Variants in ENPP2 observed in about 807,000 individuals in gnomAD.
ENPP2 encodes the protein autotaxin.
In ENPP2, 51 loss-of-function variants were observed where a neutral mutation model predicts 120.2. The observed-to-expected ratio is 0.42, with a 90% confidence interval of 0.34 to 0.54. ENPP2 has a LOEUF of 0.54. Ranked by LOEUF, ENPP2 falls within the 20% of genes least tolerant of loss-of-function variation. The probability of loss-of-function intolerance (pLI) is 0.04; values close to 1 mark genes in which losing one functional copy is unlikely to be tolerated. For missense variants in ENPP2, 920 were observed against 1,066.5 expected (o/e 0.86, Z 1.91); for synonymous variants, 365 against 366.4 (o/e 1.00, Z 0.04).
intron 13 of ENPP2, among the ~76,000 whole-genome samples, chr8:119,587,491 A>C (rs1486461257): frequency 6.6e-6 from 1 of 152,176 alleles, no homozygotes; most frequent in Non-Finnish European, 1.5e-5. Context: ...CAGATTTTTG[A>C]AACAAGTCTT....
rs1197853502 is a variant in ENPP2, at chr8:119,655,563, C to A, written c.22-17036G>T. On this transcript the variant is annotated intron_variant, in intron 1 of 25. Coordinates refer to the ENPP2 transcript ENST00000427067. ...TATGTAAATGAGAATGCATATAATCCCTTCCTCATAGGGTTGCTGTGGGAA... is the reference window on the plus strand; with the variant it reads ...TATGTAAATGAGAATGCATATAATCACTTCCTCATAGGGTTGCTGTGGGAA... Among the ~76,000 whole-genome samples the A allele has an allele frequency of 2.0e-5, 3 of 152,112 alleles. No homozygotes were observed. In the East Asian group the frequency reaches 5.8e-4, roughly 29 times the overall value.
intron 2 of ENPP2, among the ~76,000 whole-genome samples, chr8:119,635,768 A>C (rs1459994112): frequency 6.6e-6 from 1 of 152,222 alleles, no homozygotes; most frequent in African/African-American, 2.4e-5. Context: ...GGTATAAAAA[A>C]TCCTGTTCAG....
intron 1 of ENPP2, among the ~76,000 whole-genome samples, chr8:119,659,456 A>G (rs933015108): frequency 6.6e-6 from 1 of 152,024 alleles, no homozygotes; most frequent in Non-Finnish European, 1.5e-5. Flanking sequence ...AAATTACAAA[A>G]CCCTGCTGAT....
At chr8:119,562,823 A>T (rs769422078) in intron 24 of ENPP2, 34 bp downstream of exon 24, 36 of 1,600,026 alleles carry the variant, frequency 2.2e-5, no homozygotes, top group Non-Finnish European at 2.8e-5. Context: ...GAACTATGGA[A>T]GCAAATCCTA....
chr8:119,670,765 G>A lies in ENPP2; in HGVS notation c.21+2487C>T, dbSNP rs188956223. On this transcript the variant is annotated intron_variant, in intron 1 of 25. Transcript: ENST00000427067. The stretch of plus-strand genomic sequence containing the variant: ...TCTTATTTAATAAATAGTTTAACAC[G>A]CCTAAATTCATATATGATATGGACA... Among the ~76,000 whole-genome samples the A allele has an allele frequency of 1.8e-4, 27 of 152,178 alleles. 1 individual carries two copies. The highest frequency in any genetic ancestry group is 5.3e-4 in the African/African-American group (22 of 41,508).
intron 22 of ENPP2, among the ~76,000 whole-genome samples, chr8:119,566,096 A>G (rs1268531044): frequency 6.6e-6 from 1 of 152,186 alleles, no homozygotes; most frequent in African/African-American, 2.4e-5. Flanking sequence ...CCTTCGTTTG[A>G]AAAACATTCC....
At chr8:119,589,210 A>C (rs1392240937) in intron 13 of ENPP2, among the ~76,000 whole-genome samples, 1 of 152,210 alleles carries the variant, frequency 6.6e-6, no homozygotes, top group Non-Finnish European at 1.5e-5. Context: ...AATCTTCCTA[A>C]CAATCCTTAC....
At chr8:119,559,821 T>A (rs1813774465) in intron 24 of ENPP2, among the ~76,000 whole-genome samples, 1 of 152,204 alleles carries the variant, frequency 6.6e-6, no homozygotes, top group Non-Finnish European at 1.5e-5. Flanking sequence ...TCTCCCTGAC[T>A]TTCTCCCCAG....
At chr8:119,607,271 T>C (rs1355538628) in intron 9 of ENPP2, among the ~76,000 whole-genome samples, 1 of 152,148 alleles carries the variant, frequency 6.6e-6, no homozygotes, top group Non-Finnish European at 1.5e-5. Flanking sequence ...CTGCCATAAA[T>C]AGTCTAAGAG....
intron 2 of ENPP2, among the ~76,000 whole-genome samples, chr8:119,631,840 T>C (rs1211993734): frequency 6.6e-6 from 1 of 152,078 alleles, no homozygotes; most frequent in Non-Finnish European, 1.5e-5. Context: ...TGATAATACA[T>C]TCATGTAGTT....
chr8:119,564,975 C>A lies in ENPP2; in HGVS notation c.2132-20G>T, dbSNP rs768971021. On this transcript the variant is annotated intron_variant, in intron 22 of 24. Transcript: ENST00000075322. ...AGACCCCTGTGCAAAGACAAAAATC[C>A]AAAAATCAATTATTCATGAAGAAAA... The A allele has an allele frequency of 6.2e-7, 1 of 1,604,048 alleles. No individual in the cohort carries two copies. Among genetic ancestry groups the A allele is most frequent in the Non-Finnish European group, 8.5e-7 (1 of 1,175,194 alleles).
At chr8:119,654,509 T>C (rs1036964840) in intron 1 of ENPP2, among the ~76,000 whole-genome samples, 2 of 147,358 alleles carry the variant, frequency 1.4e-5, no homozygotes, top group African/African-American at 4.9e-5. Context: ...ATTTAATATA[T>C]ATAATAAATA....
chr8:119,607,117 T>C (rs1814772813), intron 9 of ENPP2, among the ~76,000 whole-genome samples: 1 of 152,148 alleles, frequency 6.6e-6, no homozygotes, highest in South Asian at 2.1e-4. Flanking sequence ...AGGCTTCCCC[T>C]TGGTCTCCTG....
At chr8:119,570,896 T>C in intron 19 of ENPP2, 55 bp from the exon 20 acceptor site, 1 of 1,257,962 alleles carries the variant, frequency 7.9e-7, no homozygotes, top group Non-Finnish European at 1.1e-6. Context: ...TTACATCAAA[T>C]GTTAAAGAAA....
At chr8:119,566,396 G>C (rs192035994) in intron 22 of ENPP2, among the ~76,000 whole-genome samples, 24 of 152,268 alleles carry the variant, frequency 1.6e-4, no homozygotes, top group African/African-American at 4.3e-4. Context: ...ACCTGGCCAT[G>C]CTTCTCATAC....
chr8:119,572,564 A>G (rs1587354069), intron 19 of ENPP2: 1 of 277,310 alleles, frequency 3.6e-6, no homozygotes, highest in African/African-American at 2.1e-5. Context: ...TCTCTTCACA[A>G]TTGTTGTTAG....
intron 2 of ENPP2, 47 bp downstream of exon 2, chr8:119,638,378 T>C (rs768339523): frequency 2.3e-6 from 2 of 885,916 alleles, no homozygotes; most frequent in South Asian, 1.3e-5. Context: ...TTACCCCGTA[T>C]GTAATATTTT....
chr8:119,565,054 C>G, intron 22 of ENPP2, 99 bp from the exon 23 acceptor site: 1 of 984,478 alleles, frequency 1.0e-6, no homozygotes, highest in Non-Finnish European at 1.5e-6. Context: ...CCAAATCTCA[C>G]AAGCCAAGAG....
At chr8:119,658,519 G>A (rs540234291) in intron 1 of ENPP2, among the ~76,000 whole-genome samples, 1 of 152,184 alleles carries the variant, frequency 6.6e-6, no homozygotes, top group Admixed American at 6.5e-5. Context: ...GCACATCTAG[G>A]TTCAAACCTC....
Sources: gnomAD v4.1 joint callset for allele counts (sites outside exome capture counted in the v4.1 genomes callset) on GRCh38, gnomAD v4.1.1 for gene constraint, MANE v1.5 for transcripts, NCBI Gene and HGNC (gene_info 2026-07-23, HGNC 2026-07-21) for gene names.